RADIL: variants seen among roughly 807,000 people sequenced by gnomAD.
RADIL encodes the protein Rap associating with DIL domain.
A neutral mutation model predicts 97.6 loss-of-function variants in RADIL; 99 were observed. That is an observed-to-expected ratio of 1.01 (90% CI 0.86 to 1.20). The LOEUF is 1.20. Among genes scored for constraint, RADIL ranks in the 50% most tolerant of loss-of-function variants. RADIL has a pLI of 0.00. For synonymous variants in RADIL, 803 were observed against 691.8 expected, an observed-to-expected ratio of 1.16 and a Z score of -2.52; for missense variants, 1,765 against 1,498.9, an observed-to-expected ratio of 1.18 and a Z score of -2.93.
At chr7:4,866,990 C>T (rs930669603) in intron 2 of RADIL, among the ~76,000 whole-genome samples, 1 of 152,186 alleles carries the variant, frequency 6.6e-6, no homozygotes, top group Middle Eastern at 3.2e-3. Context: ...TCCCTCTTTG[C>T]ACCTGTCTGC....
In RADIL at chr7:4,821,248, C is replaced by T. The variant is rs974070538; in HGVS notation, c.1615+1146G>A. ...ACTCAGGACCCTCTGGCACTGTGCC[C>T]GCCTGACAGCCCACCCCACAGATGT... is the stretch of plus-strand genomic sequence containing the variant. On this transcript the variant is annotated intron_variant, in intron 6 of 14. Coordinates refer to ENST00000399583, the MANE Select transcript of RADIL (RefSeq NM_018059.5). This position sits in a 1 kb window ranked among gnomAD's most constrained non-coding sequence, Gnocchi z 5.2. Among the ~76,000 whole-genome samples the T allele has an allele frequency of 4.6e-5, 7 of 152,164 alleles. No homozygotes were observed. Among genetic ancestry groups the T allele is most frequent in the Admixed American group, 2.6e-4 (4 of 15,288 alleles).
chr7:4,875,533 G>T (rs1784356700), intron 2 of RADIL, among the ~76,000 whole-genome samples: 1 of 152,216 alleles, frequency 6.6e-6, no homozygotes, highest in South Asian at 2.1e-4. Context: ...CTCGCCCGGT[G>T]ACACACAACG....
At position 4,880,049 on chromosome 7, in the gene RADIL, C is replaced by T. The variant is rs1256736175; in HGVS notation, c.-64-1846G>A. Among the ~76,000 whole-genome samples the T allele has an allele frequency of 6.6e-6, 1 of 152,174 alleles. No individual in the cohort carries two copies. The highest frequency in any genetic ancestry group is 1.5e-5 in the Non-Finnish European group (1 of 68,024). ...TGCCCTGCGGGGTGGGTGGCTGGCC[C>T]TTCTCCTGTTCCTATAGCCCACTGC... On this transcript the variant is annotated intron_variant, in intron 1 of 14. Transcript: ENST00000399583. The surrounding 1 kb of genome is among the most constrained non-coding windows in gnomAD (Gnocchi z 4.5).
chr7:4,839,908 G>C (rs1006646260), intron 2 of RADIL, among the ~76,000 whole-genome samples: 4 of 151,908 alleles, frequency 2.6e-5, no homozygotes, highest in Non-Finnish European at 5.9e-5. Context: ...CACCATGCTG[G>C]GCTAATTTTT....
In RADIL at chr7:4,880,620, G is replaced by A. The variant is rs768367467; in HGVS notation, c.-64-2417C>T. The stretch of plus-strand genomic sequence containing the variant: ...AGGCAGCACACACTGGCAGAGGGTC[G>A]GCCACCACCTTTTCATAGTGCTCAT... On this transcript the variant is annotated intron_variant, in intron 1 of 14. Coordinates refer to ENST00000399583, the MANE Select transcript of RADIL (RefSeq NM_018059.5). The surrounding 1 kb of genome is among the most constrained non-coding windows in gnomAD (Gnocchi z 4.5). Among the ~76,000 whole-genome samples, 4 of 152,162 alleles carry A rather than the reference G, an allele frequency of 2.6e-5. No homozygotes were observed. The highest frequency in any genetic ancestry group is 7.2e-5 in the African/African-American group (3 of 41,442).
In RADIL at chr7:4,878,187, T is replaced by C. The variant is rs1047988440; in HGVS notation, c.-48A>G. On this transcript the variant is annotated 5_prime_UTR_variant, in exon 2 of 15. Transcript: ENST00000399583. The surrounding 1 kb of genome is among the most constrained non-coding windows in gnomAD (Gnocchi z 4.1). ...AGGACTGTGGGCTTCAGCCAAAGGA[T>C]GTGGGGAGGCCGTGACCTGGGTGAA... 29 of 1,471,246 alleles carry C rather than the reference T, an allele frequency of 2.0e-5. No individual in the cohort carries two copies. The highest frequency in any genetic ancestry group is 2.4e-5 in the Non-Finnish European group (27 of 1,111,634). The allele number at this position is 1,471,246 out of a possible 1,614,324, so 91.1% of individuals were successfully genotyped here.
rs200704658 is a variant in RADIL, at chr7:4,800,263, G to A, written c.2890C>T (p.Arg964Cys). The A allele has an allele frequency of 1.1e-3, 1,706 of 1,538,246 alleles. 12 individuals carry two copies. The Middle Eastern group carries it at 0.016, about 14-fold the overall frequency. Residue 964 changes from arginine to cysteine, a missense_variant, in exon 13 of 15, where the codon CGC (arginine) becomes TGC (cysteine). Arg to Cys is a radical substitution (Grantham distance 180). Transcript: ENST00000399583. ...AEESPPAPSS[R>C]SSSTEDFCYV... The stretch of plus-strand genomic sequence containing the variant: ...CAGAAGTCCTCGGTGCTGGAGCTGC[G>A]GCTGGACGGGGCTGGAGGGGACTCC...
chr7:4,827,143 T>C (rs113195187), intron 5 of RADIL, among the ~76,000 whole-genome samples: 14,618 of 151,870 alleles, frequency 0.096, 1,139 homozygotes, highest in African/African-American at 0.21. Context: ...GGTGGGCAGA[T>C]TGCTTGAGGT....
intron 2 of RADIL, among the ~76,000 whole-genome samples, chr7:4,852,265 T>G (rs1783727488): frequency 6.6e-6 from 1 of 151,944 alleles, no homozygotes; most frequent in Non-Finnish European, 1.5e-5. Flanking sequence ...GAGGGAAAGA[T>G]GACTCAGAGG....
chr7:4,862,846 A>G (rs986142078), intron 2 of RADIL, among the ~76,000 whole-genome samples: 38 of 152,060 alleles, frequency 2.5e-4, no homozygotes, highest in Non-Finnish European at 4.6e-4. Context: ...GCGGTGAGCC[A>G]AGATCACACC....
At chr7:4,856,492 C>A (rs1349734840) in intron 2 of RADIL, among the ~76,000 whole-genome samples, 2 of 152,190 alleles carry the variant, frequency 1.3e-5, no homozygotes, top group African/African-American at 4.8e-5. Context: ...TATCTTATCA[C>A]AAAATCTTCT....
At chr7:4,860,919 A>G in intron 2 of RADIL, 1 of 1,614,192 alleles carries the variant, frequency 6.2e-7, no homozygotes, top group South Asian at 1.1e-5. Flanking sequence ...CATACAGGCA[A>G]ATTAAGATTC....
chr7:4,877,687 T>G lies in RADIL; in HGVS notation c.453A>C (p.Glu151Asp), dbSNP rs1784403485. Residue 151 changes from glutamate (E) to aspartate (D), a missense_variant, in exon 2 of 15, where the codon GAA (glutamate) becomes GAC (aspartate). By Grantham distance (45) the Glu-to-Asp change is conservative. Coordinates refer to ENST00000399583, the MANE Select transcript of RADIL (RefSeq NM_018059.5). ...TCAGCTCAAACCTCCGGGATAAACCTTCTCGGGGTTTCCATAATTCCTGGA... is the reference window on the plus strand; with the variant it reads ...TCAGCTCAAACCTCCGGGATAAACCGTCTCGGGGTTTCCATAATTCCTGGA... ...LLIQELWKPR[E>D]GLSRRFELRK... 6.2e-7 allele frequency: 1 copy of G among 1,613,982 alleles called. No individual in the cohort carries two copies. Among genetic ancestry groups the G allele is most frequent in the African/African-American group, 1.3e-5 (1 of 74,936 alleles).
intron 9 of RADIL, chr7:4,808,626 C>T (rs767616989): frequency 6.9e-5 from 68 of 985,254 alleles, no homozygotes; most frequent in Non-Finnish European, 8.1e-5. Context: ...AGCCCCGCGG[C>T]CCTGGTCTCT....
At position 4,822,498 on chromosome 7, in the gene RADIL, T is replaced by C; in HGVS notation, c.1511A>G (p.Gln504Arg). ...GTTAGACATCCAGAAAAGAATGGGCTGCAAGTCTGGAACCAGATCAGCCAT... is the reference window on the plus strand; with the variant it reads ...GTTAGACATCCAGAAAAGAATGGGCCGCAAGTCTGGAACCAGATCAGCCAT... ...CAMADLVPDL[Q>R]PILFWMSNSI... The change falls in exon 6 of 15, where the codon CAG becomes CGG. Residue 504 changes from glutamine (Q) to arginine (R), a missense_variant. Transcript: ENST00000399583. The surrounding 1 kb of genome is among the most constrained non-coding windows in gnomAD (Gnocchi z 5.3). 6.2e-7 allele frequency: 1 copy of C among 1,613,084 alleles called. No homozygotes were observed. The highest frequency in any genetic ancestry group is 8.5e-7 in the Non-Finnish European group (1 of 1,180,000).
rs896450703 is a variant in RADIL at position 4,817,302 on chromosome 7, G to A, written c.1665C>T (p.Ala555=). 1 of 1,612,662 alleles carries A rather than the reference G, an allele frequency of 6.2e-7. No individual in the cohort carries two copies. The highest frequency in any genetic ancestry group is 1.3e-5 in the African/African-American group (1 of 75,030). ...GCACCACCTCCTCCAGCACCGCCAT[G>A]GCCTCCTCGCTGGCCGTCAGCGTGC... ...FSCTLTASEE[A]MAVLEEVVLY... is the part of the protein sequence containing the mutation. Residue 555 remains alanine (A), a synonymous_variant, in exon 7 of 15, where the codon GCC becomes GCT. Coordinates refer to ENST00000399583, the MANE Select transcript of RADIL (RefSeq NM_018059.5). The surrounding 1 kb of genome is among the most constrained non-coding windows in gnomAD (Gnocchi z 8.3).
At chr7:4,804,702 G>A (rs1005405966) in intron 10 of RADIL, among the ~76,000 whole-genome samples, 17 of 151,994 alleles carry the variant, frequency 1.1e-4, no homozygotes, top group Middle Eastern at 3.2e-3. Flanking sequence ...CAGGAGAATC[G>A]CTTGAACCCA....
intron 9 of RADIL, chr7:4,809,672 T>C: frequency 2.1e-6 from 2 of 941,988 alleles, no homozygotes; most frequent in Non-Finnish European, 2.5e-6. Flanking sequence ...TTTATTTATT[T>C]ATTTTATTTT....
At position 4,834,540 on chromosome 7, in the gene RADIL, C is replaced by T; in HGVS notation, c.1416+67G>A. On this transcript the variant is annotated intron_variant, in intron 4 of 14. Coordinates refer to ENST00000399583, the MANE Select transcript of RADIL (RefSeq NM_018059.5). This position sits in a 1 kb window ranked among gnomAD's most constrained non-coding sequence, Gnocchi z 6.0. ...AGGCGCTCCCGCCTCCCAGCCGGGG[C>T]CAGCTCCGGGCCCCCTCTTCCCCCA... 7.8e-7 allele frequency: 1 copy of T among 1,281,180 alleles called. No homozygotes were observed. The highest frequency in any genetic ancestry group is 9.9e-7 in the Non-Finnish European group (1 of 1,013,720). 79.4% of individuals were successfully genotyped at this position (1,281,180 alleles called of 1,614,324 possible).
Sources: gnomAD v4.1 joint callset for allele counts (sites outside exome capture counted in the v4.1 genomes callset) on GRCh38, gnomAD v4.1.1 for gene constraint, Gnocchi (gnomAD v3.1) non-coding constraint, MANE v1.5 for transcripts, NCBI Gene and HGNC (gene_info 2026-07-23, HGNC 2026-07-21) for gene names.